Variants in GPC3 observed in about 807,000 individuals in gnomAD.
GPC3 encodes the protein glypican 3.
GPC3 carries 3 observed loss-of-function variants against 34.4 expected under a neutral mutation model. That is an observed-to-expected ratio of 0.09 (90% confidence interval 0.04 to 0.23). The LOEUF is 0.23. GPC3 is among the 10% of genes least tolerant of loss of function. The pLI is 1.00. For missense variants in GPC3, 351 were observed against 445.6 expected (o/e 0.79, Z 1.91); for synonymous variants, 177 against 174.0 (o/e 1.02, Z -0.13).
intron 5 of GPC3, chrX:133,671,340 G>A: frequency 1.6e-6 from 1 of 636,823 alleles, no homozygotes; most frequent in Non-Finnish European, 2.7e-6. Context: ...AAAGTCAGGG[G>A]GACCGCAAAG....
intron 3 of GPC3, among the ~76,000 whole-genome samples, chrX:133,717,768 C>T (rs1343325845): frequency 9.0e-6 from 1 of 110,698 alleles, no homozygotes; most frequent in African/African-American, 3.3e-5. Flanking sequence ...GCTTGTCCTG[C>T]TACAGGATGA....
At chrX:133,798,176 T>C (rs1224718528) in intron 2 of GPC3, among the ~76,000 whole-genome samples, 2 of 111,637 alleles carry the variant, frequency 1.8e-5, no homozygotes, top group East Asian at 5.6e-4. Flanking sequence ...AAACCAGTTT[T>C]CCTTCCCCCA....
rs375389635 is a variant in GPC3, at chrX:133,595,662, C to A, written c.1573+778G>T. Among the ~76,000 whole-genome samples, 10 of 110,785 alleles carry A rather than the reference C, an allele frequency of 9.0e-5. No homozygotes were observed. In the East Asian group the frequency reaches 2.3e-3, roughly 25 times the overall value. ...CCTCCCAAGTAGCTGGGACAATAGG[C>A]GTACCACCACACCCTGCTAATTTTT... On this transcript the variant is annotated intron_variant, in intron 7 of 7. Transcript: ENST00000370818.
At chrX:133,719,221 G>C (rs2071339853) in intron 3 of GPC3, among the ~76,000 whole-genome samples, 1 of 111,512 alleles carries the variant, frequency 9.0e-6, no homozygotes, top group South Asian at 3.7e-4. Context: ...TAAAAAGTTT[G>C]AAATCATACA....
chrX:133,963,975 G>C (rs1398892930), intron 1 of GPC3, among the ~76,000 whole-genome samples: 2 of 111,118 alleles, frequency 1.8e-5, no homozygotes. Context: ...CACTAGGTAG[G>C]AGGGAGGCTG....
intron 2 of GPC3, among the ~76,000 whole-genome samples, chrX:133,936,209 TATA>T (rs58972441): frequency 2.1e-4 from 21 of 99,403 alleles, no homozygotes; most frequent in Admixed American, 5.6e-4. Flanking sequence ...AAACTTAAAG[TATA>T]ATAATAATAA....
At chrX:133,810,861 C>CAAAAAA (rs11433697) in intron 2 of GPC3, among the ~76,000 whole-genome samples, 1 of 61,166 alleles carries the variant, frequency 1.6e-5, no homozygotes, top group Non-Finnish European at 2.8e-5. Context: ...GACTCCGTCT[C>CAAAAAA]AAAAAAAAAA....
At chrX:133,574,689 T>A (rs2069661935) in intron 7 of GPC3, among the ~76,000 whole-genome samples, 2 of 111,854 alleles carry the variant, frequency 1.8e-5, no homozygotes, top group African/African-American at 3.2e-5. Flanking sequence ...AGAAGAGGAG[T>A]ATTTAACTAG....
At chrX:133,971,483 G>C (rs943609053) in intron 1 of GPC3, among the ~76,000 whole-genome samples, 2 of 111,909 alleles carry the variant, frequency 1.8e-5, no homozygotes, top group African/African-American at 6.5e-5. Flanking sequence ...GAAAATGGAG[G>C]AAGAGAGAGG....
chrX:133,944,903 C>G (rs1056321000), intron 2 of GPC3, among the ~76,000 whole-genome samples: 4 of 111,182 alleles, frequency 3.6e-5, no homozygotes, highest in Non-Finnish European at 7.5e-5. Flanking sequence ...AAGTGGCCTG[C>G]CCTTGGTCAC....
intron 6 of GPC3, among the ~76,000 whole-genome samples, chrX:133,645,839 T>A (rs757037468): frequency 9.3e-6 from 1 of 107,930 alleles, no homozygotes; most frequent in African/African-American, 3.4e-5. Flanking sequence ...AAGATGAGAG[T>A]GGGTGGATAG....
At chrX:133,539,351 T>C (rs947570753) in intron 7 of GPC3, among the ~76,000 whole-genome samples, 2 of 111,526 alleles carry the variant, frequency 1.8e-5, no homozygotes, top group African/African-American at 3.3e-5. Context: ...ACTACAGTAA[T>C]TAAGTAGTAA....
rs143085907 is a variant in GPC3 at position 133,600,890 on chromosome X, G to A, written c.1414-4291C>T. On this transcript the variant is annotated intron_variant, in intron 6 of 7. Transcript: ENST00000370818. ...AGGGGCCTAATGCTTTTGATTAACT[G>A]TTTGCCATTTTCAAAGGACACTGTC... Among the ~76,000 whole-genome samples the A allele has an allele frequency of 1.8e-3, 204 of 112,202 alleles. No homozygotes were observed. The East Asian group carries it at 0.024, about 13-fold the overall frequency.
chrX:133,900,625 T>C (rs1304161816), intron 2 of GPC3, among the ~76,000 whole-genome samples: 3 of 112,106 alleles, frequency 2.7e-5, no homozygotes, highest in African/African-American at 9.7e-5. Flanking sequence ...TTCTCAAATG[T>C]TCCTCCAACA....
At chrX:133,702,455 A>ATC (rs1227180570) in intron 3 of GPC3, among the ~76,000 whole-genome samples, 1 of 111,385 alleles carries the variant, frequency 9.0e-6, no homozygotes, top group Non-Finnish European at 1.9e-5. Flanking sequence ...CCAAAATCAA[A>ATC]TCTTTCACAC....
At chrX:133,608,549 A>G (rs186501440) in intron 6 of GPC3, among the ~76,000 whole-genome samples, 15 of 112,169 alleles carry the variant, frequency 1.3e-4, no homozygotes, top group Non-Finnish European at 2.4e-4. Flanking sequence ...TTCCAAATAG[A>G]CATCTTGTGG....
At chrX:133,717,122 C>T (rs770318798) in intron 3 of GPC3, among the ~76,000 whole-genome samples, 4 of 110,349 alleles carry the variant, frequency 3.6e-5, no homozygotes, top group Admixed American at 9.7e-5. Flanking sequence ...CCACCAAGAT[C>T]GGCTAATTTT....
At chrX:133,900,425 C>G (rs1010881004) in intron 2 of GPC3, among the ~76,000 whole-genome samples, 1 of 112,050 alleles carries the variant, frequency 8.9e-6, no homozygotes, top group Non-Finnish European at 1.9e-5. Flanking sequence ...CAACTCTACA[C>G]ACTTTTTCTT....
chrX:133,691,522 C>A (rs1369566225), intron 5 of GPC3, among the ~76,000 whole-genome samples: 1 of 109,126 alleles, frequency 9.2e-6, no homozygotes, highest in Non-Finnish European at 1.9e-5. Flanking sequence ...AACAAAAAAA[C>A]AAAACAAGCA....
Sources: allele counts gnomAD v4.1 joint callset (sites outside exome capture counted in the v4.1 genomes callset), GRCh38; gene constraint gnomAD v4.1.1; transcripts MANE v1.5; gene names NCBI Gene and HGNC (gene_info 2026-07-23, HGNC 2026-07-21).